Variants in RBMS3 observed in about 807,000 individuals in gnomAD.
RBMS3 encodes the protein RNA-binding motif, single-stranded-interacting protein 3.
In RBMS3, 27 loss-of-function variants were observed where a neutral mutation model predicts 66.8. That is an observed-to-expected ratio of 0.40 (90% CI 0.30 to 0.56). The LOEUF (loss-of-function observed/expected upper bound fraction) is 0.56. RBMS3 is among the 20% of genes least tolerant of loss of function. The probability of loss-of-function intolerance (pLI) is 0.40; values close to 1 mark genes in which losing one functional copy is unlikely to be tolerated. For missense variants in RBMS3, 513 were observed against 549.5 expected (o/e 0.93, Z 0.66); for synonymous variants, 188 against 183.0 (o/e 1.03, Z -0.22).
intron 3 of RBMS3, among the ~76,000 whole-genome samples, chr3:29,490,972 G>C (rs1007912256): frequency 6.6e-6 from 1 of 152,114 alleles, no homozygotes; most frequent in East Asian, 1.9e-4. Flanking sequence ...ACTCATAACC[G>C]GAGCGGTCAA....
At chr3:29,908,438 T>C (rs185864676) in intron 10 of RBMS3, among the ~76,000 whole-genome samples, 1 of 152,266 alleles carries the variant, frequency 6.6e-6, no homozygotes, top group Admixed American at 6.5e-5. Flanking sequence ...AATTAGATCA[T>C]AGGCCATATA....
At chr3:29,303,956 C>A (rs1457260889) in intron 1 of RBMS3, among the ~76,000 whole-genome samples, 1 of 151,914 alleles carries the variant, frequency 6.6e-6, no homozygotes, top group Non-Finnish European at 1.5e-5. Context: ...CTGTTAAAAC[C>A]ATCAGCTCTC....
chr3:29,845,179 AG>A (rs2058748886), intron 6 of RBMS3, among the ~76,000 whole-genome samples: 1 of 152,236 alleles, frequency 6.6e-6, no homozygotes, highest in South Asian at 2.1e-4. Context: ...ATGCTTAGCA[AG>A]ATGCCTGGCT....
chr3:29,386,476 T>C (rs2039013287), intron 1 of RBMS3, among the ~76,000 whole-genome samples: 1 of 152,212 alleles, frequency 6.6e-6, no homozygotes, highest in Non-Finnish European at 1.5e-5. Flanking sequence ...CCTTATACTC[T>C]TCTTTCTTTC....
chr3:29,341,185 G>A (rs1470703911), intron 1 of RBMS3, among the ~76,000 whole-genome samples: 2 of 152,020 alleles, frequency 1.3e-5, no homozygotes, highest in Non-Finnish European at 2.9e-5. Flanking sequence ...TACGTATGCA[G>A]ATATAAATAA....
intron 3 of RBMS3, among the ~76,000 whole-genome samples, chr3:29,563,151 C>T (rs2149052030): frequency 6.6e-6 from 1 of 152,288 alleles, no homozygotes; most frequent in East Asian, 1.9e-4. Flanking sequence ...ACTGCCTTTT[C>T]CCAGTCATAA....
intron 2 of RBMS3, among the ~76,000 whole-genome samples, chr3:29,470,021 T>C (rs2125795388): frequency 6.8e-6 from 1 of 147,924 alleles, no homozygotes; most frequent in Admixed American, 6.8e-5. Flanking sequence ...TGTAATTCAA[T>C]GATTAAAATA....
At chr3:29,517,303 GTGTGTA>G (rs1350691281) in intron 3 of RBMS3, among the ~76,000 whole-genome samples, 131 of 132,020 alleles carry the variant, frequency 9.9e-4, no homozygotes, top group African/African-American at 2.7e-3. Flanking sequence ...GTGTGTGTGT[GTGTGTA>G]TATATATATA....
chr3:29,573,152 G>A (rs2047000062), intron 3 of RBMS3, among the ~76,000 whole-genome samples: 1 of 152,002 alleles, frequency 6.6e-6, no homozygotes, highest in South Asian at 2.1e-4. Flanking sequence ...ATGGAGTCTT[G>A]TTCTGTCACC....
intron 1 of RBMS3, among the ~76,000 whole-genome samples, chr3:29,377,646 G>A (rs1474652067): frequency 6.6e-6 from 1 of 152,134 alleles, no homozygotes; most frequent in African/African-American, 2.4e-5. Context: ...CAAAGGAGAA[G>A]TTAATTGGCC....
intron 1 of RBMS3, among the ~76,000 whole-genome samples, chr3:29,353,992 C>A (rs1337254310): frequency 6.6e-6 from 1 of 152,078 alleles, no homozygotes; most frequent in Non-Finnish European, 1.5e-5. Context: ...GGAAACTTTG[C>A]CAGTAATTCT....
At chr3:29,442,841 G>C (rs1024919304) in intron 2 of RBMS3, among the ~76,000 whole-genome samples, 2 of 151,886 alleles carry the variant, frequency 1.3e-5, no homozygotes. Context: ...CTTTTGCCTG[G>C]ATTTCCTCTT....
intron 4 of RBMS3, among the ~76,000 whole-genome samples, chr3:29,732,001 T>A (rs888915731): frequency 1.3e-5 from 2 of 151,410 alleles, no homozygotes; most frequent in African/African-American, 4.9e-5. Flanking sequence ...CCCTCTCTTT[T>A]TCTCTCCCTC....
chr3:29,461,792 C>T (rs201849185), intron 2 of RBMS3, among the ~76,000 whole-genome samples: 1 of 151,734 alleles, frequency 6.6e-6, no homozygotes, highest in South Asian at 2.1e-4. Flanking sequence ...CTCACTCTGT[C>T]ACCTAGGCTG....
At chr3:29,671,884 C>A (rs1033848923) in intron 4 of RBMS3, among the ~76,000 whole-genome samples, 7 of 152,160 alleles carry the variant, frequency 4.6e-5, no homozygotes, top group Admixed American at 3.3e-4. Flanking sequence ...GGAGAACTTC[C>A]CCAACCTAGC....
chr3:29,911,002 C>T (rs916913712), intron 10 of RBMS3, among the ~76,000 whole-genome samples: 1 of 151,964 alleles, frequency 6.6e-6, no homozygotes, highest in African/African-American at 2.4e-5. Flanking sequence ...CAATAAGACT[C>T]TGTCAGAAAA....
chr3:29,863,750 A>G (rs749080236), intron 6 of RBMS3, among the ~76,000 whole-genome samples: 1 of 152,182 alleles, frequency 6.6e-6, no homozygotes, highest in Non-Finnish European at 1.5e-5. Flanking sequence ...CTTTACAATA[A>G]GGGAAAATGT....
intron 6 of RBMS3, among the ~76,000 whole-genome samples, chr3:29,851,120 T>A (rs1016572046): frequency 2.6e-5 from 4 of 152,228 alleles, no homozygotes; most frequent in Non-Finnish European, 4.4e-5. Context: ...CATTACCTTA[T>A]CTTTTTTTAG....
chr3:29,580,106 T>A (rs2047271920), intron 3 of RBMS3, among the ~76,000 whole-genome samples: 1 of 152,194 alleles, frequency 6.6e-6, no homozygotes, highest in Non-Finnish European at 1.5e-5. Flanking sequence ...AATACTTTGC[T>A]CTCTAAATTT....
Sources: allele counts gnomAD v4.1 joint callset (sites outside exome capture counted in the v4.1 genomes callset), GRCh38; gene constraint gnomAD v4.1.1; transcripts MANE v1.5; gene names NCBI Gene and HGNC (gene_info 2026-07-23, HGNC 2026-07-21).